Variants in PTPRZ1 observed in about 807,000 individuals in gnomAD.
The protein encoded by PTPRZ1 is receptor-type tyrosine-protein phosphatase zeta.
In PTPRZ1, 82 loss-of-function variants were observed where a neutral mutation model predicts 214.1. That is an observed-to-expected ratio of 0.38 (90% CI 0.32 to 0.46). The LOEUF (loss-of-function observed/expected upper bound fraction) is 0.46, where lower values mean the gene tolerates loss of function less well. PTPRZ1 is among the 20% of genes least tolerant of loss of function. PTPRZ1 has a pLI of 1.00. For synonymous variants in PTPRZ1, 945 were observed against 987.9 expected (o/e 0.96, Z 0.81); for missense variants, 2,603 against 2,748.7 (o/e 0.95, Z 1.19).
chr7:122,056,731 C>T (rs1792359732), intron 27 of PTPRZ1, among the ~76,000 whole-genome samples: 1 of 151,660 alleles, frequency 6.6e-6, no homozygotes, highest in Non-Finnish European at 1.5e-5. Flanking sequence ...TAGAACATGG[C>T]CTTGACCATC....
At chr7:122,036,144 CA>C (rs1397252621) in intron 17 of PTPRZ1, among the ~76,000 whole-genome samples, 4 of 152,182 alleles carry the variant, frequency 2.6e-5, no homozygotes, top group African/African-American at 9.7e-5. Context: ...CTTCCTTCAT[CA>C]GCCTCCTGTT....
intron 19 of PTPRZ1, 147 bp downstream of exon 19, chr7:122,039,036 CTG>C: frequency 1.2e-6 from 1 of 804,792 alleles, no homozygotes; most frequent in Non-Finnish European, 1.9e-6. Flanking sequence ...TAAAGGGAAA[CTG>C]TTAATACTGT....
rs527452990 is a variant in PTPRZ1 at position 121,944,910 on chromosome 7, T to A, written c.124+16689T>A. On this transcript the variant is annotated intron_variant, in intron 2 of 29. Transcript: ENST00000393386. ...CACCTGATTCGGCCTCCTTTAGCGC[T>A]GGAATTACAGCGCAAGCCACCATAC... is the stretch of plus-strand genomic sequence containing the variant. Among the ~76,000 whole-genome samples the A allele has an allele frequency of 3.3e-5, 5 of 152,298 alleles. No individual in the cohort carries two copies. In the East Asian group the frequency reaches 5.8e-4, roughly 18 times the overall value.
intron 23 of PTPRZ1, 134 bp downstream of exon 23, chr7:122,044,702 C>G (rs1183381771): frequency 4.4e-6 from 4 of 912,270 alleles, no homozygotes; most frequent in Non-Finnish European, 6.5e-6. Context: ...ATCGTTGTTC[C>G]TTACTGTGGG....
chr7:121,873,313 C>G lies in PTPRZ1; in HGVS notation c.-187C>G. 1.8e-6 allele frequency: 1 copy of G among 542,296 alleles called. No individual in the cohort carries two copies. The highest frequency in any genetic ancestry group is 3.2e-6 in the Non-Finnish European group (1 of 313,844). The allele number at this position is 542,296 out of a possible 1,614,324, so 33.6% of individuals were successfully genotyped here. On this transcript the variant is annotated 5_prime_UTR_variant, in exon 1 of 30. Coordinates refer to ENST00000393386, the MANE Select transcript of PTPRZ1 (RefSeq NM_002851.3). ...TGACTGTCTCTCTCTGTCTCTGTCT[C>G]TGTCTCTCTCTCTCTCACACACACA...
In PTPRZ1 at chr7:122,036,646, C is replaced by T; in HGVS notation, c.5331C>T (p.Gly1777=). Residue 1777 remains glycine, a synonymous_variant, in exon 18 of 30, where the codon GGC becomes GGT. Coordinates refer to ENST00000393386, the MANE Select transcript of PTPRZ1 (RefSeq NM_002851.3). ...VKLAQLAEKD[G]KLTDYINANY... is the part of the protein sequence containing the mutation. The stretch of plus-strand genomic sequence containing the variant: ...TAGCACAGCTTGCTGAAAAGGATGG[C>T]AAACTGACTGATTATATCAATGCCA... The T allele has an allele frequency of 6.2e-7, 1 of 1,608,970 alleles. No individual in the cohort carries two copies.
intron 2 of PTPRZ1, among the ~76,000 whole-genome samples, chr7:121,928,572 T>C (rs949749103): frequency 6.6e-6 from 1 of 152,152 alleles, no homozygotes; most frequent in East Asian, 1.9e-4. Flanking sequence ...GTGAAGCACT[T>C]GTCACAGAGC....
rs972126640 is a variant in PTPRZ1 at position 122,018,910 on chromosome 7, T to C, written c.4844-214T>C. Among the ~76,000 whole-genome samples the C allele has an allele frequency of 2.0e-5, 3 of 152,186 alleles. 1 individual carries two copies. The highest frequency in any genetic ancestry group is 7.2e-5 in the African/African-American group (3 of 41,460). ...CCCCTATCTGGGTGCCAATCTCTGC[T>C]GGGATGTTGTAGTTCTTCTTGTCTA... On this transcript the variant is annotated intron_variant, in intron 12 of 29. Transcript: ENST00000393386.
At position 122,011,179 on chromosome 7, in the gene PTPRZ1, A is replaced by C. The variant is rs1345644418; in HGVS notation, c.2133A>C (p.Pro711=). The change falls in exon 12 of 30, where the codon CCA becomes CCC. Residue 711 remains proline, a synonymous_variant. Coordinates refer to ENST00000393386, the MANE Select transcript of PTPRZ1 (RefSeq NM_002851.3). ...CCTCAGTTACAGATCTGGAAATGCCACATTATTCTACCTTTGCCTACTTCC... is the reference window on the plus strand; with the variant it reads ...CCTCAGTTACAGATCTGGAAATGCCCCATTATTCTACCTTTGCCTACTTCC... ...QGPSVTDLEM[P]HYSTFAYFPT... The C allele has an allele frequency of 1.2e-6, 2 of 1,614,090 alleles. No homozygotes were observed. Among genetic ancestry groups the C allele is most frequent in the Non-Finnish European group, 1.7e-6 (2 of 1,179,976 alleles).
chr7:121,968,001 C>A lies in PTPRZ1; in HGVS notation c.175C>A (p.Pro59Thr), dbSNP rs774322047. 1.3e-6 allele frequency: 2 copies of A among 1,594,210 alleles called. No individual in the cohort carries two copies. Among genetic ancestry groups the A allele is most frequent in the Non-Finnish European group, 8.6e-7 (1 of 1,165,108 alleles). ...WGKKYPTCNS[P>T]KQSPINIDED... Reference sequence around the variant, plus strand: ...AAAGAAATATCCAACATGTAATAGCCCAAAACAATCTCCTATCAATATTGA... The same window carrying A: ...AAAGAAATATCCAACATGTAATAGCACAAAACAATCTCCTATCAATATTGA... The change falls in exon 3 of 30, where the codon CCA becomes ACA. Residue 59 changes from proline (P) to threonine (T), a missense_variant. Physicochemically the swap from Pro to Thr is conservative, Grantham distance 38. Coordinates refer to ENST00000393386, the MANE Select transcript of PTPRZ1 (RefSeq NM_002851.3).
At chr7:122,034,165 CT>C in intron 16 of PTPRZ1, 50 bp downstream of exon 16, 1 of 1,572,230 alleles carries the variant, frequency 6.4e-7, no homozygotes, top group Non-Finnish European at 8.7e-7. Context: ...GTAGTTGTAA[CT>C]TTTAAAAAAT....
chr7:121,875,605 T>C (rs763012720), intron 1 of PTPRZ1, among the ~76,000 whole-genome samples: 3 of 152,260 alleles, frequency 2.0e-5, no homozygotes, highest in South Asian at 2.1e-4. Flanking sequence ...TGCTACTGAA[T>C]GTAAGCTTGC....
chr7:122,042,465 T>C (rs915741554), intron 21 of PTPRZ1, 143 bp from the exon 22 acceptor site: 7 of 742,694 alleles, frequency 9.4e-6, no homozygotes, highest in Non-Finnish European at 1.4e-5. Context: ...CTGTTTACAA[T>C]ATTGAATTGC....
At chr7:122,060,295 T>C (rs1243826717) in intron 29 of PTPRZ1, among the ~76,000 whole-genome samples, 1 of 152,018 alleles carries the variant, frequency 6.6e-6, no homozygotes, top group Admixed American at 6.6e-5. Flanking sequence ...CCCTAATAAG[T>C]CTTATTCGGG....
At chr7:121,976,938 A>C (rs1046305527) in intron 6 of PTPRZ1, 87 bp downstream of exon 6, 2 of 1,110,706 alleles carry the variant, frequency 1.8e-6, no homozygotes, top group African/African-American at 1.6e-5. Flanking sequence ...CACTTGTTCC[A>C]AAAGGTGGAA....
At chr7:122,036,338 A>G (rs866883482) in intron 17 of PTPRZ1, among the ~76,000 whole-genome samples, 1 of 152,130 alleles carries the variant, frequency 6.6e-6, no homozygotes, top group Non-Finnish European at 1.5e-5. Flanking sequence ...ATATCCCTCC[A>G]CTACATTGCA....
In PTPRZ1 at chr7:122,055,025, C is replaced by T. The variant is rs1198178539; in HGVS notation, c.6466C>T (p.His2156Tyr). 2 of 1,603,982 alleles carry T rather than the reference C, an allele frequency of 1.2e-6. No homozygotes were observed. Among genetic ancestry groups the T allele is most frequent in the Non-Finnish European group, 1.7e-6 (2 of 1,171,942 alleles). The change falls in exon 27 of 30, where the codon CAC (histidine) becomes TAC (tyrosine). Residue 2156 changes from histidine to tyrosine, a missense_variant. By Grantham distance (83) the His-to-Tyr change is moderately conservative. This residue lies in a region of PTPRZ1 where 134 missense variants were observed against 183.3 expected (regional missense o/e 0.73). Transcript: ENST00000393386. ...SFKVTLMAEE[H>Y]KCLSNEEKLI... ...TAAGGTCACTCTTATGGCTGAAGAA[C>T]ACAAATGTCTATCTAATGAGGAAAA...
intron 1 of PTPRZ1, among the ~76,000 whole-genome samples, chr7:121,926,001 C>T (rs1795744741): frequency 6.6e-6 from 1 of 152,050 alleles, no homozygotes; most frequent in African/African-American, 2.4e-5. Context: ...TTACGCCTCA[C>T]AGGAGTAGAG....
intron 23 of PTPRZ1, among the ~76,000 whole-genome samples, chr7:122,046,050 G>A (rs73440957): frequency 0.026 from 3,911 of 152,184 alleles, 62 homozygotes; most frequent in African/African-American, 0.044. Context: ...TGTTATTAGG[G>A]CGCAAACAAG....
Sources: gnomAD v4.1 joint callset for allele counts (sites outside exome capture counted in the v4.1 genomes callset) on GRCh38, gnomAD v4.1.1 for gene constraint, gnomAD v4.1.1 regional missense constraint, MANE v1.5 for transcripts, NCBI Gene and HGNC (gene_info 2026-07-23, HGNC 2026-07-21) for gene names.